Variants in DPYSL2 observed in about 807,000 individuals in gnomAD.
DPYSL2 encodes the protein dihydropyrimidinase-related protein 2.
A neutral mutation model predicts 69.9 loss-of-function variants in DPYSL2; 13 were observed. The observed-to-expected ratio is 0.19, with a 90% CI of 0.12 to 0.30. The LOEUF (loss-of-function observed/expected upper bound fraction) is 0.30. DPYSL2 is among the 10% of genes least tolerant of loss of function. The pLI is 1.00. For synonymous variants in DPYSL2, 326 were observed against 359.1 expected (o/e 0.91, Z 1.04); for missense variants, 587 against 918.9 (o/e 0.64, Z 4.67).
chr8:26,626,858 C>G lies in DPYSL2; in HGVS notation c.855+180C>G, dbSNP rs2289592. Among the ~76,000 whole-genome samples, 73,551 of 151,952 alleles carry G rather than the reference C, an allele frequency of 0.48. 19,491 individuals carry two copies. Among genetic ancestry groups the G allele is most frequent in the East Asian group, 0.69 (3,517 of 5,130 alleles). On this transcript the variant is annotated intron_variant, in intron 5 of 13. Coordinates refer to ENST00000521913, the MANE Select transcript of DPYSL2 (RefSeq NM_001197293.3). This position sits in a 1 kb window ranked among gnomAD's most constrained non-coding sequence, Gnocchi z 4.3. ...GAGTATGAACGCAGTGCCCTGGCCC[C>G]CAGCACTGCCACTCCGCCGCCCTGG...
intron 3 of DPYSL2, among the ~76,000 whole-genome samples, chr8:26,603,974 G>A (rs1802051975): frequency 6.6e-6 from 1 of 152,168 alleles, no homozygotes; most frequent in Non-Finnish European, 1.5e-5. Flanking sequence ...TCAAGTCCCT[G>A]CCTTCAACTC....
rs546025529 is a variant in DPYSL2 at position 26,609,506 on chromosome 8, T to G, written c.629-14637T>G. Among the ~76,000 whole-genome samples, 1 of 152,338 alleles carries G rather than the reference T, an allele frequency of 6.6e-6. No homozygotes were observed. The highest frequency in any genetic ancestry group is 1.9e-4 in the East Asian group (1 of 5,188). Reference sequence around the variant, plus strand: ...TGGAAGCTTGTGGCGTGACTGTTATTTTTTTGTGATGTTCTGTACAGCCCT... The same window carrying G: ...TGGAAGCTTGTGGCGTGACTGTTATGTTTTTGTGATGTTCTGTACAGCCCT... On this transcript the variant is annotated intron_variant, in intron 3 of 13. Transcript: ENST00000521913. This position sits in a 1 kb window ranked among gnomAD's most constrained non-coding sequence, Gnocchi z 6.5.
At chr8:26,554,087 A>C (rs1052450940) in intron 1 of DPYSL2, among the ~76,000 whole-genome samples, 1 of 151,750 alleles carries the variant, frequency 6.6e-6, no homozygotes, top group Non-Finnish European at 1.5e-5. Context: ...ATGGGGTTTC[A>C]CCATCTTGGC....
chr8:26,515,186 C>G (rs1012395964), intron 1 of DPYSL2, among the ~76,000 whole-genome samples: 2 of 152,184 alleles, frequency 1.3e-5, no homozygotes, highest in African/African-American at 2.4e-5. Flanking sequence ...GCTCACGTCC[C>G]GAGCTCCGAG....
In DPYSL2 at chr8:26,609,357, G is replaced by C. The variant is rs961510794; in HGVS notation, c.629-14786G>C. 6.6e-6 allele frequency among the ~76,000 whole-genome samples: 1 copy of C among 152,168 alleles called. No homozygotes were observed. The highest frequency in any genetic ancestry group is 6.5e-5 in the Admixed American group (1 of 15,280). On this transcript the variant is annotated intron_variant, in intron 3 of 13. Coordinates refer to ENST00000521913, the MANE Select transcript of DPYSL2 (RefSeq NM_001197293.3). The surrounding 1 kb of genome is among the most constrained non-coding windows in gnomAD (Gnocchi z 6.5). ...GGGCTTTTGGGGCGCATTTAGTTCT[G>C]CACGTTGTGTATGTAAGTAGATGTT...
chr8:26,640,035 G>C lies in DPYSL2; in HGVS notation c.1127-3404G>C, dbSNP rs1403057065. Among the ~76,000 whole-genome samples the C allele has an allele frequency of 2.0e-5, 3 of 150,794 alleles. No homozygotes were observed. Among genetic ancestry groups the C allele is most frequent in the South Asian group, 2.1e-4 (1 of 4,824 alleles). On this transcript the variant is annotated intron_variant, in intron 8 of 13. Transcript: ENST00000521913. The surrounding 1 kb of genome is among the most constrained non-coding windows in gnomAD (Gnocchi z 4.2). ...GAGAATGGTGAGAGCGTGTGTAACT[G>C]TCTGTCTGTCTGTCCATCCCAGTTG...
At chr8:26,529,097 C>G (rs1028211667) in intron 1 of DPYSL2, among the ~76,000 whole-genome samples, 1 of 152,078 alleles carries the variant, frequency 6.6e-6, no homozygotes, top group African/African-American at 2.4e-5. Context: ...TGCAGTCTCT[C>G]CAGGATCGGC....
intron 1 of DPYSL2, among the ~76,000 whole-genome samples, chr8:26,519,405 G>A (rs564904336): frequency 6.6e-6 from 1 of 152,268 alleles, no homozygotes; most frequent in Admixed American, 6.5e-5. Context: ...TGGGAGAGAG[G>A]TCTCTTGTTT....
intron 1 of DPYSL2, among the ~76,000 whole-genome samples, chr8:26,539,646 T>C (rs1800647664): frequency 6.6e-6 from 1 of 152,146 alleles, no homozygotes; most frequent in African/African-American, 2.4e-5. Flanking sequence ...TTCAAGTGAT[T>C]CTCCTGCCTC....
chr8:26,598,607 G>C lies in DPYSL2; in HGVS notation c.628+14624G>C, dbSNP rs757755699. Among the ~76,000 whole-genome samples the C allele has an allele frequency of 1.3e-5, 2 of 152,184 alleles. No homozygotes were observed. Among genetic ancestry groups the C allele is most frequent in the African/African-American group, 2.4e-5 (1 of 41,426 alleles). Reference sequence around the variant, plus strand: ...CCCCCCAGGCACAGTCCCTGCTTACGGGAGATTTGAGGCATTTGATCATTT... The same window carrying C: ...CCCCCCAGGCACAGTCCCTGCTTACCGGAGATTTGAGGCATTTGATCATTT... On this transcript the variant is annotated intron_variant, in intron 3 of 13. Transcript: ENST00000521913. This position sits in a 1 kb window ranked among gnomAD's most constrained non-coding sequence, Gnocchi z 4.2.
intron 8 of DPYSL2, among the ~76,000 whole-genome samples, chr8:26,635,105 A>G (rs769971526): frequency 9.2e-5 from 14 of 152,216 alleles, no homozygotes; most frequent in Non-Finnish European, 1.8e-4. Context: ...GTTAGTATCT[A>G]TTTAAAGCCA....
At position 26,591,359 on chromosome 8, in the gene DPYSL2, G is replaced by A. The variant is rs1385225407; in HGVS notation, c.628+7376G>A. On this transcript the variant is annotated intron_variant, in intron 3 of 13. Transcript: ENST00000521913. The surrounding 1 kb of genome is among the most constrained non-coding windows in gnomAD (Gnocchi z 5.8). ...TGTGAGGGTCAGGCATTCAGTGGTC[G>A]GGTCTCAGGGTTCCTTATTGCTAGA... is the stretch of plus-strand genomic sequence containing the variant. 6.6e-6 allele frequency among the ~76,000 whole-genome samples: 1 copy of A among 152,194 alleles called. No individual in the cohort carries two copies. Among genetic ancestry groups the A allele is most frequent in the Non-Finnish European group, 1.5e-5 (1 of 68,026 alleles).
chr8:26,572,658 C>A (rs1411411483), intron 1 of DPYSL2, among the ~76,000 whole-genome samples: 1 of 152,268 alleles, frequency 6.6e-6, no homozygotes, highest in Non-Finnish European at 1.5e-5. Flanking sequence ...CCCTACCACG[C>A]CCAGCTAGTT....
rs1563402875 is a variant in DPYSL2 at position 26,597,679 on chromosome 8, T to G, written c.628+13696T>G. The stretch of plus-strand genomic sequence containing the variant: ...TTAGTAGAGATGGGGTTTCACTGTT[T>G]TAGCCAGGATGGTCTCGATCTCCTG... On this transcript the variant is annotated intron_variant, in intron 3 of 13. Transcript: ENST00000521913. This position sits in a 1 kb window ranked among gnomAD's most constrained non-coding sequence, Gnocchi z 5.2. Among the ~76,000 whole-genome samples, 1 of 152,042 alleles carries G rather than the reference T, an allele frequency of 6.6e-6. No individual in the cohort carries two copies. The highest frequency in any genetic ancestry group is 2.1e-4 in the South Asian group (1 of 4,828).
intron 3 of DPYSL2, among the ~76,000 whole-genome samples, chr8:26,584,742 C>T (rs182934635): frequency 2.0e-5 from 3 of 151,862 alleles, no homozygotes; most frequent in Admixed American, 6.6e-5. Flanking sequence ...GGCTCAGCCA[C>T]CCGAGTAGCC....
At chr8:26,569,182 C>G (rs916493901) in intron 1 of DPYSL2, among the ~76,000 whole-genome samples, 2 of 151,896 alleles carry the variant, frequency 1.3e-5, no homozygotes, top group African/African-American at 2.4e-5. Context: ...CATAGCAAGA[C>G]CCTGTCTACA....
Position 26,583,781 on chromosome 8 carries a change from C to A in DPYSL2, c.444-18C>A, listed in dbSNP as rs1157577725. 6.2e-7 allele frequency: 1 copy of A among 1,601,130 alleles called. No homozygotes were observed. Among genetic ancestry groups the A allele is most frequent in the Middle Eastern group, 1.7e-4 (1 of 5,978 alleles). ...CACATTTCATTTACAACCCTTATCA[C>A]CAACCCTGTTTATTTAGGCAAATAG... On this transcript the variant is annotated intron_variant, in intron 2 of 13. Coordinates refer to ENST00000521913, the MANE Select transcript of DPYSL2 (RefSeq NM_001197293.3).
Position 26,602,322 on chromosome 8 carries a change from C to T in DPYSL2, c.628+18339C>T, listed in dbSNP as rs1410721911. 2.6e-5 allele frequency among the ~76,000 whole-genome samples: 4 copies of T among 151,960 alleles called. No individual in the cohort carries two copies. In the East Asian group the frequency reaches 5.8e-4, roughly 22 times the overall value. On this transcript the variant is annotated intron_variant, in intron 3 of 13. Transcript: ENST00000521913. ...ATATAAAAATTCTCCTGTTTCAACC[C>T]GAGATCTCTCTCGTCCTCCTAAATC...
At chr8:26,570,348 G>A (rs536964519) in intron 1 of DPYSL2, among the ~76,000 whole-genome samples, 1 of 152,248 alleles carries the variant, frequency 6.6e-6, no homozygotes, top group East Asian at 1.9e-4. Context: ...TGTGGACTGG[G>A]GACAGTGGAA....
Sources: gnomAD v4.1 joint callset for allele counts (sites outside exome capture counted in the v4.1 genomes callset) on GRCh38, gnomAD v4.1.1 for gene constraint, Gnocchi (gnomAD v3.1) non-coding constraint, MANE v1.5 for transcripts, NCBI Gene and HGNC (gene_info 2026-07-23, HGNC 2026-07-21) for gene names.